TNS2: variants seen among roughly 807,000 people sequenced by gnomAD.
TNS2 encodes the protein tensin 2, also known as tensin-2.
TNS2 carries 77 observed loss-of-function variants against 155.7 expected under a neutral mutation model. The observed-to-expected ratio is 0.49, with a 90% CI of 0.41 to 0.60. The LOEUF (loss-of-function observed/expected upper bound fraction) is 0.60. Among genes scored for constraint, TNS2 ranks in the 20% least tolerant of loss-of-function variants. The probability of loss-of-function intolerance (pLI) is 0.00; values close to 1 mark genes in which losing one functional copy is unlikely to be tolerated. For synonymous variants in TNS2, 726 were observed against 763.9 expected (o/e 0.95, Z 0.82); for missense variants, 1,703 against 1,868.8 (o/e 0.91, Z 1.64).
At chr12:53,048,765 TG>T (rs1304756000), upstream of TNS2, among the ~76,000 whole-genome samples, 2 of 152,154 alleles carry the variant, frequency 1.3e-5, no homozygotes, top group Non-Finnish European at 2.9e-5. Context: ...GGGTCTCAAG[TG>T]GGCACCCACA....
chr12:53,058,218 G>A lies in TNS2; in HGVS notation c.1096-98G>A, dbSNP rs1944230137. ...AGAGCGAGTAGGGAGATCACCTTGAGATCGAGGCAGGGCAGAAGCTGTGAC... is the reference window on the plus strand; with the variant it reads ...AGAGCGAGTAGGGAGATCACCTTGAAATCGAGGCAGGGCAGAAGCTGTGAC... On this transcript the variant is annotated intron_variant, in intron 14 of 28. Transcript: ENST00000314250. 2.8e-5 allele frequency: 45 copies of A among 1,604,948 alleles called. 1 individual carries two copies. The South Asian group carries it at 4.6e-4, about 16-fold the overall frequency.
Position 53,057,626 on chromosome 12 carries a change from T to A in TNS2, c.905T>A (p.Leu302His). ...TCCATCAGAATGAACAGCAGCCCTC[T>A]CTTCCTGCACTATGTGCTCATCCCC... is the stretch of plus-strand genomic sequence containing the variant. ...SGSIRMNSSP[L>H]FLHYVLIPML... The change falls in exon 12 of 29, where the codon CTC (leucine) becomes CAC (histidine). Residue 302 changes from leucine to histidine, a missense_variant. Transcript: ENST00000314250. 6.2e-7 allele frequency: 1 copy of A among 1,613,930 alleles called. No homozygotes were observed. Among genetic ancestry groups the A allele is most frequent in the East Asian group, 2.2e-5 (1 of 44,894 alleles).
chr12:53,049,368 G>C (rs1943841765), upstream of TNS2: 1 of 829,430 alleles, frequency 1.2e-6, no homozygotes, highest in Non-Finnish European at 1.9e-6. Context: ...AACAAAGCCA[G>C]GGAATGGGTG....
At position 53,058,285 on chromosome 12, in the gene TNS2, C is replaced by A. The variant is rs750064982; in HGVS notation, c.1096-31C>A. The A allele has an allele frequency of 9.3e-6, 15 of 1,611,986 alleles. No individual in the cohort carries two copies. The Admixed American group carries it at 2.5e-4, about 27-fold the overall frequency. On this transcript the variant is annotated intron_variant, in intron 14 of 28. Transcript: ENST00000314250. ...TGGAAGCGCAGAAGAGGACATGAGG[C>A]CTGATCCGCAGCCTCCTGCCTTTCT...
At chr12:53,051,786 C>G in intron 1 of TNS2, 69 bp from the exon 2 acceptor site, 3 of 1,270,078 alleles carry the variant, frequency 2.4e-6, no homozygotes, top group Non-Finnish European at 3.4e-6. Context: ...GGCAAGGCTC[C>G]TGCCCAGTCC....
chr12:53,054,270 G>T lies in TNS2; in HGVS notation c.351G>T (p.Arg117Ser). Residue 117 changes from arginine to serine, a missense_variant and splice_region_variant, in exon 7 of 29, where the codon AGG becomes AGT. By Grantham distance (110) the Arg-to-Ser change is moderately radical. Transcript: ENST00000314250. ...NHSKQRSTLP[R>S]SFSLDPLMER... is the part of the protein sequence containing the mutation. ...TCATGCGTAGGCTCCTCCTCCCCAG[G>T]AGCTTCAGCCTGGACCCGCTCATGG... 6.2e-7 allele frequency: 1 copy of T among 1,612,662 alleles called. No homozygotes were observed. The highest frequency in any genetic ancestry group is 8.5e-7 in the Non-Finnish European group (1 of 1,179,818).
chr12:53,059,189 C>T lies in TNS2; in HGVS notation c.1548C>T (p.Ser516=). ...MLSVSSDSGH[S]STLTTEPAAE... is the part of the protein sequence containing the mutation. ...CTGTCAGCAGCGACTCAGGCCATTC[C>T]TCCACGCTGACCACAGAGCCGGCTG... The change falls in exon 18 of 29, where the codon TCC becomes TCT. Residue 516 remains serine, a synonymous_variant. Transcript: ENST00000314250. This position sits in a 1 kb window ranked among gnomAD's most constrained non-coding sequence, Gnocchi z 4.7. The T allele has an allele frequency of 6.3e-7, 1 of 1,599,256 alleles. No individual in the cohort carries two copies. Among genetic ancestry groups the T allele is most frequent in the Non-Finnish European group, 8.5e-7 (1 of 1,177,294 alleles).
Position 53,050,274 on chromosome 12 carries a change from C to T in TNS2, c.75+14C>T. 6.3e-7 allele frequency: 1 copy of T among 1,596,138 alleles called. No individual in the cohort carries two copies. Among genetic ancestry groups the T allele is most frequent in the Non-Finnish European group, 8.5e-7 (1 of 1,171,562 alleles). ...GCCGCAAGCAGGGTAGGAGTGCCCA[C>T]CAGCTGGGCAAAAGAGGGGCAGGGG... On this transcript the variant is annotated intron_variant, in intron 1 of 28. Transcript: ENST00000314250. This position sits in a 1 kb window ranked among gnomAD's most constrained non-coding sequence, Gnocchi z 4.7.
At position 53,063,442 on chromosome 12, in the gene TNS2, C is replaced by T. The variant is rs776337584; in HGVS notation, c.4061+25C>T. On this transcript the variant is annotated intron_variant, in intron 27 of 28. Coordinates refer to ENST00000314250, the MANE Select transcript of TNS2 (RefSeq NM_170754.4). This position sits in a 1 kb window ranked among gnomAD's most constrained non-coding sequence, Gnocchi z 5.6. ...GGTGACTCTCCCTCCAAACCCTTTG[C>T]CCCAAATCCCCATGGTCCCACCAGG... 6.2e-7 allele frequency: 1 copy of T among 1,613,452 alleles called. No homozygotes were observed. Among genetic ancestry groups the T allele is most frequent in the South Asian group, 1.1e-5 (1 of 91,058 alleles).
chr12:53,061,594 G>A (rs1212627306), intron 21 of TNS2, 125 bp downstream of exon 21: 1 of 1,325,138 alleles, frequency 7.5e-7, no homozygotes, highest in Non-Finnish European at 1.1e-6. Flanking sequence ...TCTTGGCTGA[G>A]TGTTTACCAG....
upstream of TNS2, chr12:53,049,171 A>G (rs1943831596): frequency 3.2e-6 from 5 of 1,585,522 alleles, no homozygotes; most frequent in East Asian, 1.2e-4. Flanking sequence ...ATGTGTTGGG[A>G]GGGGGGACCT....
Position 53,054,032 on chromosome 12 carries a change from G to A in TNS2, c.350+18G>A. ...CTGCCCAGGTAAGTGAGGGTGCTGG[G>A]GTGGTCCCACGTGACCCCCTTTCCG... On this transcript the variant is annotated intron_variant, in intron 6 of 28. Transcript: ENST00000314250. 1 of 1,613,998 alleles carries A rather than the reference G, an allele frequency of 6.2e-7. No individual in the cohort carries two copies. The highest frequency in any genetic ancestry group is 8.5e-7 in the Non-Finnish European group (1 of 1,180,012).
At position 53,062,174 on chromosome 12, in the gene TNS2, TCCG is replaced by T; in HGVS notation, c.3599_3601del (p.Arg1200del). 1 of 1,614,008 alleles carries T rather than the reference TCCG, an allele frequency of 6.2e-7. No homozygotes were observed. Among genetic ancestry groups the T allele is most frequent in the Non-Finnish European group, 8.5e-7 (1 of 1,179,984 alleles). On this transcript the variant is annotated inframe_deletion, in exon 23 of 29. Coordinates refer to ENST00000314250, the MANE Select transcript of TNS2 (RefSeq NM_170754.4). ...TCAGGGGACCCCGTGGAACAGCTGG[TCCG>T]CCATTTCCTCATCGAGACTGGGCCC...
upstream of TNS2, among the ~76,000 whole-genome samples, chr12:53,047,513 G>C (rs1943768963): frequency 6.7e-6 from 1 of 149,496 alleles, no homozygotes; most frequent in Non-Finnish European, 1.5e-5. Flanking sequence ...CAGGGCTGGG[G>C]CCGGGGGCTC....
chr12:53,059,069 T>TC lies in TNS2; in HGVS notation c.1432dup (p.Leu478ProfsTer49). On this transcript the variant is annotated frameshift_variant, in exon 18 of 29. Coordinates refer to ENST00000314250, the MANE Select transcript of TNS2 (RefSeq NM_170754.4). LOFTEE classifies it high-confidence loss of function. The surrounding 1 kb of genome is among the most constrained non-coding windows in gnomAD (Gnocchi z 4.7). Reference sequence around the variant, plus strand: ...CAGGCTCCTTGACCCACACCCGGGGTCCCCTGGATGGCAGTCCTTATGCCC... The same window carrying TC: ...CAGGCTCCTTGACCCACACCCGGGGTCCCCCTGGATGGCAGTCCTTATGCCC... 2 of 1,533,118 alleles carry TC rather than the reference T, an allele frequency of 1.3e-6. No individual in the cohort carries two copies. Among genetic ancestry groups the TC allele is most frequent in the Non-Finnish European group, 8.7e-7 (1 of 1,143,174 alleles). The allele number at this position is 1,533,118 out of a possible 1,614,324, so 95.0% of individuals were successfully genotyped here.
intron 7 of TNS2, 82 bp from the exon 8 acceptor site, chr12:53,055,104 G>T: frequency 6.7e-7 from 1 of 1,499,228 alleles, no homozygotes; most frequent in Non-Finnish European, 9.3e-7. Flanking sequence ...TTTAGAGGAA[G>T]ATTCTTACTT....
rs746413283 is a variant in TNS2 at position 53,059,702 on chromosome 12, A to T, written c.2061A>T (p.Leu687=). 2 of 1,613,162 alleles carry T rather than the reference A, an allele frequency of 1.2e-6. No individual in the cohort carries two copies. The highest frequency in any genetic ancestry group is 1.7e-6 in the Non-Finnish European group (2 of 1,179,922). ...VILEDPGLPA[L]YPCPACEEKL... ...TGGAGGACCCTGGGCTGCCTGCCCTATACCCATGCCCAGCCTGCGAGGAGA... is the reference window on the plus strand; with the variant it reads ...TGGAGGACCCTGGGCTGCCTGCCCTTTACCCATGCCCAGCCTGCGAGGAGA... Residue 687 remains leucine, a synonymous_variant, in exon 18 of 29, where the codon CTA becomes CTT. Transcript: ENST00000314250. This position sits in a 1 kb window ranked among gnomAD's most constrained non-coding sequence, Gnocchi z 4.7.
chr12:53,051,120 C>T (rs1181818068), intron 1 of TNS2, among the ~76,000 whole-genome samples: 1 of 152,164 alleles, frequency 6.6e-6, no homozygotes, highest in Non-Finnish European at 1.5e-5. Context: ...AGGGGCTGAA[C>T]AGGGAATCTG....
In TNS2 at chr12:53,060,521, C is replaced by T; in HGVS notation, c.2734C>T (p.Leu912=). ...AGAGTTGTCTGGTCCCTCCACGCCC[C>T]TGCACACCAGCAGTCCAGTCCAGGG... The part of the protein sequence containing the change: ...SSELSGPSTP[L]HTSSPVQGKE... Residue 912 remains leucine (L), a synonymous_variant, in exon 19 of 29, where the codon CTG becomes TTG. Coordinates refer to ENST00000314250, the MANE Select transcript of TNS2 (RefSeq NM_170754.4). This position sits in a 1 kb window ranked among gnomAD's most constrained non-coding sequence, Gnocchi z 6.1. 1.2e-6 allele frequency: 2 copies of T among 1,613,862 alleles called. No homozygotes were observed. Among genetic ancestry groups the T allele is most frequent in the Non-Finnish European group, 1.7e-6 (2 of 1,179,984 alleles).
Sources: gnomAD v4.1 joint callset for allele counts (sites outside exome capture counted in the v4.1 genomes callset) on GRCh38, gnomAD v4.1.1 for gene constraint, Gnocchi (gnomAD v3.1) non-coding constraint, MANE v1.5 for transcripts, NCBI Gene and HGNC (gene_info 2026-07-23, HGNC 2026-07-21) for gene names.